Variants in LPA observed in about 807,000 individuals in gnomAD.
LPA encodes lipoprotein(a), also known as apolipoprotein(a).
In LPA, 199 loss-of-function variants were observed where a neutral mutation model predicts 197.9. That is an observed-to-expected ratio of 1.01 (90% confidence interval 0.90 to 1.13). The LOEUF (loss-of-function observed/expected upper bound fraction) is 1.13, where lower values mean the gene tolerates loss of function less well. LPA is among the 50% of genes most tolerant of loss of function. The probability of loss-of-function intolerance (pLI) is 0.00; values close to 1 mark genes in which losing one functional copy is unlikely to be tolerated. For missense variants in LPA, 1,853 were observed against 1,785.8 expected, an observed-to-expected ratio of 1.04 and a Z score of -0.68; for synonymous variants, 715 against 639.5, an observed-to-expected ratio of 1.12 and a Z score of -1.78.
intron 30 of LPA, among the ~76,000 whole-genome samples, chr6:160,555,703 G>A (rs1462123336): frequency 6.6e-6 from 1 of 151,896 alleles, no homozygotes; most frequent in African/African-American, 2.4e-5. Context: ...AATTGCATGG[G>A]TGAAAGAGTG....
In LPA at chr6:160,601,076, G is replaced by T. The variant is rs186072375; in HGVS notation, c.2968C>A (p.Arg990=). 1,070 of 1,613,968 alleles carry T rather than the reference G, an allele frequency of 6.6e-4. 1 individual carries two copies. The highest frequency in any genetic ancestry group is 8.4e-4 in the Non-Finnish European group (988 of 1,179,960). Residue 990 remains arginine (R), a synonymous_variant, in exon 19 of 39, where the codon CGA becomes AGA. Transcript: ENST00000316300. ...PNAGLIKNYC[R]NPDPVAAPWC... is the part of the protein sequence containing the mutation. ...GGGGCTGCCACAGGATCTGGATTTC[G>T]GCAGTAGTTCTTGATCAAGCCACTG...
At chr6:160,545,763 C>A (rs550163865) in intron 32 of LPA, among the ~76,000 whole-genome samples, 1 of 152,018 alleles carries the variant, frequency 6.6e-6, no homozygotes, top group East Asian at 1.9e-4. Context: ...GTGTGGTGAC[C>A]CTGAAGGGTC....
In LPA at chr6:160,578,529, C is replaced by T; in HGVS notation, c.4465G>A (p.Glu1489Lys). The change falls in exon 27 of 39, where the codon GAA becomes AAA. Residue 1489 changes from glutamate to lysine, a missense_variant. Around this residue, in one of 3 missense-constraint regions of LPA, gnomAD observed 1,737 missense variants for 1,504.4 expected, o/e 1.15. Transcript: ENST00000316300. ...APVPSTEAPS[E>K]QAPPEKSPVV... ...CTAACCACAAATTTCTTACCTTGTT[C>T]AGAAGGAGCCTCTGTGCTTGGAACC... 6.2e-7 allele frequency: 1 copy of T among 1,613,810 alleles called. No homozygotes were observed.
intron 28 of LPA, among the ~76,000 whole-genome samples, chr6:160,564,227 G>C (rs1419262678): frequency 6.6e-6 from 1 of 152,134 alleles, no homozygotes; most frequent in Non-Finnish European, 1.5e-5. Flanking sequence ...CATATTTAGT[G>C]TTTTCTTCAG....
At chr6:160,577,929 T>A (rs570003753) in intron 27 of LPA, among the ~76,000 whole-genome samples, 1 of 152,272 alleles carries the variant, frequency 6.6e-6, no homozygotes, top group African/African-American at 2.4e-5. Flanking sequence ...GCAGGTTTCA[T>A]GAGAAGAAGA....
rs574019006 is a variant in LPA at position 160,662,402 on chromosome 6, T to A, written c.49+1764A>T. 1.0e-3 allele frequency among the ~76,000 whole-genome samples: 155 copies of A among 152,324 alleles called. 1 individual carries two copies. Among genetic ancestry groups the A allele is most frequent in the African/African-American group, 3.6e-3 (150 of 41,572 alleles). ...ATGTTTCTCCGCTTCTCACTGAGCATGGCTGTAAAAGAAACTTTTTCCTCT... is the reference window on the plus strand; with the variant it reads ...ATGTTTCTCCGCTTCTCACTGAGCAAGGCTGTAAAAGAAACTTTTTCCTCT... On this transcript the variant is annotated intron_variant, in intron 1 of 38. Transcript: ENST00000316300.
intron 28 of LPA, among the ~76,000 whole-genome samples, chr6:160,558,109 C>T (rs1156395533): frequency 1.3e-5 from 2 of 151,996 alleles, no homozygotes; most frequent in Non-Finnish European, 2.9e-5. Flanking sequence ...TTAGTAGAGA[C>T]AGGGTTTCAC....
chr6:160,540,632 T>A (rs1777966434), intron 35 of LPA, among the ~76,000 whole-genome samples: 1 of 152,214 alleles, frequency 6.6e-6, no homozygotes, highest in Non-Finnish European at 1.5e-5. Context: ...GTGACATGCC[T>A]GCTCCCACTT....
At chr6:160,598,999 C>T (rs187784501) in intron 20 of LPA, among the ~76,000 whole-genome samples, 1 of 152,276 alleles carries the variant, frequency 6.6e-6, no homozygotes, top group African/African-American at 2.4e-5. Context: ...TTCTCAACTC[C>T]ATATATCCTT....
intron 25 of LPA, among the ~76,000 whole-genome samples, chr6:160,585,446 A>C (rs913886119): frequency 5.9e-5 from 9 of 152,252 alleles, no homozygotes; most frequent in Middle Eastern, 3.4e-3. Flanking sequence ...ACAAACAAAA[A>C]ACAGATCAGA....
chr6:160,573,126 T>C (rs1339923056), intron 28 of LPA, among the ~76,000 whole-genome samples: 1 of 152,138 alleles, frequency 6.6e-6, no homozygotes, highest in African/African-American at 2.4e-5. Context: ...TTTGTTCATA[T>C]TTTCTTATCC....
At chr6:160,559,646 A>G (rs1209030511) in intron 28 of LPA, among the ~76,000 whole-genome samples, 1 of 152,170 alleles carries the variant, frequency 6.6e-6, no homozygotes. Flanking sequence ...ATATGATAAG[A>G]GTTTTATAAT....
chr6:160,603,170 T>C (rs543074810), intron 18 of LPA, among the ~76,000 whole-genome samples: 110 of 152,054 alleles, frequency 7.2e-4, no homozygotes, highest in Non-Finnish European at 1.3e-3. Flanking sequence ...ATGCAGGAAA[T>C]CTTTTTATAT....
At chr6:160,532,507 T>A in intron 38 of LPA, 24 bp downstream of exon 38, 1 of 1,533,148 alleles carries the variant, frequency 6.5e-7, no homozygotes, top group Non-Finnish European at 9.0e-7. Context: ...AGCACAAGAC[T>A]TTGATCTATT....
rs1280833901 is a variant in LPA, at chr6:160,611,642, A to C, written c.2523T>G (p.Thr841=). The C allele has an allele frequency of 6.3e-7, 1 of 1,577,742 alleles. No individual in the cohort carries two copies. The highest frequency in any genetic ancestry group is 1.1e-5 in the South Asian group (1 of 90,148). ...GQSYRGTYST[T]VTGRTCQAWS... ...AAGCTTGGCAGGTTCTTCCAGTGACAGTGGTGGAGTATGTGCCTCGATAAC... is the reference window on the plus strand; with the variant it reads ...AAGCTTGGCAGGTTCTTCCAGTGACCGTGGTGGAGTATGTGCCTCGATAAC... Residue 841 remains threonine (T), a synonymous_variant, in exon 16 of 39, where the codon ACT becomes ACG. Transcript: ENST00000316300.
intron 22 of LPA, among the ~76,000 whole-genome samples, chr6:160,593,455 T>A (rs985747746): frequency 2.6e-5 from 4 of 152,228 alleles, no homozygotes; most frequent in African/African-American, 7.2e-5. Context: ...TTGCCCCTCA[T>A]GTGCTGGCAA....
intron 25 of LPA, 93 bp from the exon 26 acceptor site, chr6:160,585,298 T>A: frequency 8.1e-7 from 1 of 1,236,920 alleles, no homozygotes; most frequent in Non-Finnish European, 1.2e-6. Context: ...ATCTGAGGAT[T>A]AACAATTTAC....
At chr6:160,542,586 A>G in intron 34 of LPA, 102 bp downstream of exon 34, 1 of 1,522,428 alleles carries the variant, frequency 6.6e-7, no homozygotes, top group Middle Eastern at 2.4e-4. Flanking sequence ...ACAGAGAGGC[A>G]GGTATTGATG....
chr6:160,564,798 A>C (rs183966987), intron 28 of LPA, among the ~76,000 whole-genome samples: 8 of 152,298 alleles, frequency 5.3e-5, no homozygotes, highest in Admixed American at 2.0e-4. Flanking sequence ...CTCCCACCCT[A>C]ATATTGCACT....
Sources: gnomAD v4.1 joint callset for allele counts (sites outside exome capture counted in the v4.1 genomes callset) on GRCh38, gnomAD v4.1.1 for gene constraint, gnomAD v4.1.1 regional missense constraint, MANE v1.5 for transcripts, NCBI Gene and HGNC (gene_info 2026-07-23, HGNC 2026-07-21) for gene names.